The following ZMYND11 variants were observed in gnomAD, a reference collection of about 807,000 sequenced individuals.
ZMYND11 encodes the protein zinc finger MYND-type containing 11.
In ZMYND11, 9 loss-of-function variants were observed where a neutral mutation model predicts 84.9. The observed-to-expected ratio is 0.11, with a 90% CI of 0.06 to 0.18. The LOEUF is 0.18. Among genes scored for constraint, ZMYND11 ranks in the 10% least tolerant of loss-of-function variants. The pLI is 1.00. For synonymous variants in ZMYND11, 250 were observed against 244.1 expected (o/e 1.02, Z -0.23); for missense variants, 409 against 761.0 (o/e 0.54, Z 5.44).
chr10:217,325 G>A (rs915934251), intron 3 of ZMYND11, among the ~76,000 whole-genome samples: 2 of 152,116 alleles, frequency 1.3e-5, no homozygotes, highest in South Asian at 2.1e-4. Context: ...GTTTGAGATC[G>A]GCCTGGGTAA....
At chr10:149,665 T>C (rs1411138296) in intron 1 of ZMYND11, among the ~76,000 whole-genome samples, 3 of 152,196 alleles carry the variant, frequency 2.0e-5, no homozygotes, top group Non-Finnish European at 2.9e-5. Context: ...ATTTGCATAT[T>C]AAATTGTGGG....
At chr10:194,144 C>T (rs1051417250) in intron 2 of ZMYND11, among the ~76,000 whole-genome samples, 1 of 152,064 alleles carries the variant, frequency 6.6e-6, no homozygotes, top group African/African-American at 2.4e-5. Context: ...GCCACCACGC[C>T]TGGCTAATTT....
In ZMYND11 at chr10:218,581, G is replaced by GTTAC; in HGVS notation, c.277-2614_277-2613insTTAC. 1.2e-5 allele frequency: 3 copies of GTTAC among 252,162 alleles called. No individual in the cohort carries two copies. The South Asian group carries it at 1.3e-4, about 11-fold the overall frequency. The allele number at this position is 252,162 out of a possible 1,614,324, so 15.6% of individuals were successfully genotyped here. ...GTAGTTTCTCTTTTACCTTAGGCTA[G>GTTAC]CTTAGTTAACTCTTGCTAGATTTGT... On this transcript the variant is annotated intron_variant, in intron 3 of 14. Transcript: ENST00000381604.
chr10:132,725 G>A (rs2130989755), upstream of ZMYND11, among the ~76,000 whole-genome samples: 1 of 152,144 alleles, frequency 6.6e-6, no homozygotes, highest in South Asian at 2.1e-4. Context: ...ACACTATACT[G>A]TCCCAATAGC....
chr10:212,342 C>T (rs1380500083), intron 3 of ZMYND11, among the ~76,000 whole-genome samples: 1 of 151,852 alleles, frequency 6.6e-6, no homozygotes, highest in Non-Finnish European at 1.5e-5. Flanking sequence ...ATATGTAAAC[C>T]AAACATATAG....
intron 14 of ZMYND11, chr10:249,654 G>A: frequency 1.0e-6 from 1 of 985,400 alleles, no homozygotes. Context: ...TAGAGTGGGA[G>A]CTTCTGAGTG....
intron 1 of ZMYND11, among the ~76,000 whole-genome samples, chr10:141,059 T>C (rs1366768773): frequency 1.3e-5 from 2 of 152,230 alleles, no homozygotes; most frequent in Non-Finnish European, 2.9e-5. Flanking sequence ...ACACATTAAT[T>C]GGAAAATGTG....
At chr10:224,096 C>T (rs1224097428) in intron 4 of ZMYND11, among the ~76,000 whole-genome samples, 4 of 152,016 alleles carry the variant, frequency 2.6e-5, no homozygotes, top group African/African-American at 9.7e-5. Flanking sequence ...TGAAAAGAAG[C>T]CCTTTTCTAA....
At chr10:170,050 C>T (rs889592456) in intron 1 of ZMYND11, among the ~76,000 whole-genome samples, 25 of 152,048 alleles carry the variant, frequency 1.6e-4, no homozygotes, top group Middle Eastern at 3.4e-3. Flanking sequence ...AACACTTTAC[C>T]TATAGAGGAG....
chr10:174,990 G>A (rs1169883198), intron 1 of ZMYND11, among the ~76,000 whole-genome samples: 13 of 104,448 alleles, frequency 1.2e-4, no homozygotes, highest in East Asian at 1.0e-3. Context: ...TCATTCATAC[G>A]TTGGTCAGAA....
Position 240,091 on chromosome 10 carries a change from T to C in ZMYND11, c.733T>C (p.Tyr245His), listed in dbSNP as rs759220228. 1.9e-6 allele frequency: 3 copies of C among 1,611,956 alleles called. No individual in the cohort carries two copies. The highest frequency in any genetic ancestry group is 2.5e-6 in the Non-Finnish European group (3 of 1,178,886). The change falls in exon 8 of 15, where the codon TAT becomes CAT. Residue 245 changes from tyrosine (Y) to histidine (H), a missense_variant. Tyr to His is a moderately conservative substitution (Grantham distance 83). Coordinates refer to ENST00000381604, the MANE Select transcript of ZMYND11 (RefSeq NM_001370100.5). The stretch of plus-strand genomic sequence containing the variant: ...GCAAGCTGACATTGCGAGGATGCTA[T>C]ATAAAGACACATGTCATGAGGTACT... ...SEQADIARML[Y>H]KDTCHELDEL...
At chr10:151,864 C>T (rs1200874204) in intron 1 of ZMYND11, among the ~76,000 whole-genome samples, 2 of 152,178 alleles carry the variant, frequency 1.3e-5, no homozygotes, top group Non-Finnish European at 2.9e-5. Flanking sequence ...AACAGCTGAT[C>T]TCTTGGCAGA....
At chr10:166,639 G>A (rs1361096879) in intron 1 of ZMYND11, among the ~76,000 whole-genome samples, 1 of 152,080 alleles carries the variant, frequency 6.6e-6, no homozygotes, top group African/African-American at 2.4e-5. Context: ...GTACATTGCT[G>A]TTGGGATTGT....
intron 6 of ZMYND11, among the ~76,000 whole-genome samples, chr10:238,725 G>GT (rs1268150428): frequency 1.3e-5 from 2 of 152,102 alleles, no homozygotes; most frequent in African/African-American, 4.8e-5. Context: ...GTAAATGAAG[G>GT]TTTTTCCCTT....
chr10:214,001 C>G (rs1945729371), intron 3 of ZMYND11, among the ~76,000 whole-genome samples: 1 of 151,970 alleles, frequency 6.6e-6, no homozygotes. Flanking sequence ...TATAAATAAT[C>G]CAAGTGGAAG....
At chr10:183,421 A>G (rs1280524882) in intron 2 of ZMYND11, among the ~76,000 whole-genome samples, 1 of 151,998 alleles carries the variant, frequency 6.6e-6, no homozygotes, top group Non-Finnish European at 1.5e-5. Context: ...GGTATGTTCT[A>G]CCATCAGGAC....
At chr10:204,466 G>C (rs577299888) in intron 2 of ZMYND11, among the ~76,000 whole-genome samples, 1 of 151,992 alleles carries the variant, frequency 6.6e-6, no homozygotes, top group Non-Finnish European at 1.5e-5. Flanking sequence ...AAATTAGTTT[G>C]TACCCAAAGA....
intron 14 of ZMYND11, chr10:249,639 C>G (rs1196412276): frequency 1.0e-6 from 1 of 985,276 alleles, no homozygotes; most frequent in Non-Finnish European, 1.2e-6. Flanking sequence ...TCTCATCCTC[C>G]CCACTAGAGT....
At chr10:225,392 C>T (rs1947941231) in intron 4 of ZMYND11, among the ~76,000 whole-genome samples, 1 of 151,474 alleles carries the variant, frequency 6.6e-6, no homozygotes, top group Non-Finnish European at 1.5e-5. Flanking sequence ...GTTCTGTCAC[C>T]CAGGTTGGAG....
Sources: allele counts gnomAD v4.1 joint callset (sites outside exome capture counted in the v4.1 genomes callset), GRCh38; gene constraint gnomAD v4.1.1; transcripts MANE v1.5; gene names NCBI Gene and HGNC (gene_info 2026-07-23, HGNC 2026-07-21).